HS6ST3: variants seen among roughly 807,000 people sequenced by gnomAD.
HS6ST3 encodes heparan-sulfate 6-O-sulfotransferase 3.
HS6ST3 carries 12 observed loss-of-function variants against 36.7 expected under a neutral mutation model. That is an observed-to-expected ratio of 0.33 (90% CI 0.21 to 0.53). The LOEUF (loss-of-function observed/expected upper bound fraction) is 0.53, where lower values mean the gene tolerates loss of function less well. Among genes scored for constraint, HS6ST3 ranks in the 20% least tolerant of loss-of-function variants. The probability of loss-of-function intolerance (pLI) is 0.95; values close to 1 mark genes in which losing one functional copy is unlikely to be tolerated. For missense variants in HS6ST3, 584 were observed against 640.9 expected (o/e 0.91, Z 0.96); for synonymous variants, 240 against 257.5 (o/e 0.93, Z 0.65).
At chr13:96,259,699 A>G (rs1358635088) in intron 1 of HS6ST3, among the ~76,000 whole-genome samples, 1 of 152,184 alleles carries the variant, frequency 6.6e-6, no homozygotes, top group East Asian at 1.9e-4. Flanking sequence ...TCATGTCTTT[A>G]TAGACATTTA....
At chr13:96,668,471 G>C (rs1438049278) in intron 1 of HS6ST3, among the ~76,000 whole-genome samples, 1 of 152,044 alleles carries the variant, frequency 6.6e-6, no homozygotes, top group Non-Finnish European at 1.5e-5. Context: ...AAGACCTGCT[G>C]GCTCACCTGC....
chr13:96,347,296 C>T (rs1252479681), intron 1 of HS6ST3, among the ~76,000 whole-genome samples: 1 of 152,200 alleles, frequency 6.6e-6, no homozygotes, highest in Non-Finnish European at 1.5e-5. Context: ...TCCATTCTGT[C>T]ATGAAACATA....
At chr13:96,438,684 A>G (rs577314365) in intron 1 of HS6ST3, among the ~76,000 whole-genome samples, 104 of 152,350 alleles carry the variant, frequency 6.8e-4, no homozygotes, top group South Asian at 3.3e-3. Context: ...ATGCCTGTAG[A>G]TGACTCTAAT....
rs144864162 is a variant in HS6ST3, at chr13:96,300,665, A to G, written c.707+209096A>G. 5.9e-5 allele frequency among the ~76,000 whole-genome samples: 9 copies of G among 152,246 alleles called. No individual in the cohort carries two copies. The South Asian group carries it at 8.3e-4, about 14-fold the overall frequency. ...TGGCTTTTAAAAATCAAGTCACTCT[A>G]TGGGTTTTTCTTTTAATATCAAGAA... is the stretch of plus-strand genomic sequence containing the variant. On this transcript the variant is annotated intron_variant, in intron 1 of 1. Coordinates refer to ENST00000376705, the MANE Select transcript of HS6ST3 (RefSeq NM_153456.4).
chr13:96,333,934 G>T (rs2055086202), intron 1 of HS6ST3, among the ~76,000 whole-genome samples: 1 of 152,132 alleles, frequency 6.6e-6, no homozygotes, highest in African/African-American at 2.4e-5. Context: ...GGGAAGTTTT[G>T]ATGGTTCTCT....
At chr13:96,610,697 C>T (rs1422608575) in intron 1 of HS6ST3, among the ~76,000 whole-genome samples, 2 of 151,908 alleles carry the variant, frequency 1.3e-5, no homozygotes, top group African/African-American at 4.8e-5. Context: ...ATTAGAATAC[C>T]TTCTCTACTG....
chr13:96,216,218 A>G (rs1237802175), intron 1 of HS6ST3, among the ~76,000 whole-genome samples: 2 of 152,230 alleles, frequency 1.3e-5, no homozygotes, highest in Non-Finnish European at 2.9e-5. Flanking sequence ...CTGGTCAATC[A>G]ATGCTGACAT....
chr13:96,384,649 G>T (rs921290347), intron 1 of HS6ST3, among the ~76,000 whole-genome samples: 1 of 152,014 alleles, frequency 6.6e-6, no homozygotes, highest in Non-Finnish European at 1.5e-5. Context: ...AACTCAACAG[G>T]GTTCAGTAAC....
chr13:96,477,294 T>C (rs2055868880), intron 1 of HS6ST3, among the ~76,000 whole-genome samples: 1 of 152,198 alleles, frequency 6.6e-6, no homozygotes, highest in Non-Finnish European at 1.5e-5. Context: ...GGGATGCGAA[T>C]GGAATTTTCC....
chr13:96,359,385 T>C (rs2055226164), intron 1 of HS6ST3, among the ~76,000 whole-genome samples: 2 of 152,198 alleles, frequency 1.3e-5, no homozygotes, highest in African/African-American at 4.8e-5. Flanking sequence ...ATTATTGAAC[T>C]GGATTTCTAT....
intron 1 of HS6ST3, among the ~76,000 whole-genome samples, chr13:96,440,507 A>AGGAAAGGAAG (rs139479560): frequency 0.47 from 67,494 of 143,988 alleles, 16,869 homozygotes; most frequent in African/African-American, 0.62. Flanking sequence ...AGGAAAGGAA[A>AGGAAAGGAAG]GGAAAGGAAA....
At chr13:96,757,406 A>G (rs1876858525) in intron 1 of HS6ST3, among the ~76,000 whole-genome samples, 1 of 152,216 alleles carries the variant, frequency 6.6e-6, no homozygotes, top group African/African-American at 2.4e-5. Context: ...TCTGTAGATC[A>G]CTTTGGCAGG....
In HS6ST3 at chr13:96,519,858, A is replaced by G. The variant is rs552052334; in HGVS notation, c.708-312632A>G. Among the ~76,000 whole-genome samples, 10 of 152,334 alleles carry G rather than the reference A, an allele frequency of 6.6e-5. No homozygotes were observed. In the East Asian group the frequency reaches 1.2e-3, roughly 18 times the overall value. The stretch of plus-strand genomic sequence containing the variant: ...CTCCATAATGCTAAATTATAGGTAT[A>G]TATACTTAGGTCTTGATTTGGAAAA... On this transcript the variant is annotated intron_variant, in intron 1 of 1. Transcript: ENST00000376705.
At chr13:96,574,033 C>G in intron 1 of HS6ST3, 3 of 543,694 alleles carry the variant, frequency 5.5e-6, no homozygotes, top group Non-Finnish European at 1.1e-5. Context: ...CCTGTCTGCT[C>G]TTTGTGACAT....
At chr13:96,367,682 CAT>C (rs1200176148) in intron 1 of HS6ST3, among the ~76,000 whole-genome samples, 1 of 152,168 alleles carries the variant, frequency 6.6e-6, no homozygotes, top group Non-Finnish European at 1.5e-5. Context: ...AGAAGAAAAA[CAT>C]GTTACCCATT....
intron 1 of HS6ST3, among the ~76,000 whole-genome samples, chr13:96,409,670 A>G (rs900195793): frequency 3.3e-5 from 5 of 152,230 alleles, no homozygotes; most frequent in Admixed American, 2.6e-4. Flanking sequence ...TCCATATGCT[A>G]TGATAAGCAT....
chr13:96,257,886 A>G (rs971517261), intron 1 of HS6ST3, among the ~76,000 whole-genome samples: 2 of 152,200 alleles, frequency 1.3e-5, no homozygotes, highest in Non-Finnish European at 2.9e-5. Context: ...ACAAGAGCTG[A>G]TATTTCATTG....
At chr13:96,447,181 G>A (rs1215895015) in intron 1 of HS6ST3, among the ~76,000 whole-genome samples, 2 of 152,036 alleles carry the variant, frequency 1.3e-5, no homozygotes, top group African/African-American at 4.8e-5. Context: ...GCAGCTGAAC[G>A]ATTTCTGGAG....
chr13:96,720,307 T>C (rs1322497177), intron 1 of HS6ST3, among the ~76,000 whole-genome samples: 1 of 152,144 alleles, frequency 6.6e-6, no homozygotes, highest in East Asian at 1.9e-4. Context: ...TCATAGTAAC[T>C]TGGATATAGT....
Sources: allele counts gnomAD v4.1 joint callset (sites outside exome capture counted in the v4.1 genomes callset), GRCh38; gene constraint gnomAD v4.1.1; transcripts MANE v1.5; gene names NCBI Gene and HGNC (gene_info 2026-07-23, HGNC 2026-07-21).